The following DSCAML1 variants were observed in gnomAD, a reference collection of about 807,000 sequenced individuals.
The protein encoded by DSCAML1 is DS cell adhesion molecule like 1.
DSCAML1 carries 38 observed loss-of-function variants against 200.5 expected under a neutral mutation model. That is an observed-to-expected ratio of 0.19 (90% CI 0.15 to 0.25). The LOEUF (loss-of-function observed/expected upper bound fraction) is 0.25, where lower values mean the gene tolerates loss of function less well. Ranked by LOEUF, DSCAML1 falls within the 10% of genes least tolerant of loss-of-function variation. DSCAML1 has a pLI of 1.00. For synonymous variants in DSCAML1, 1,215 were observed against 1,165.0 expected, an observed-to-expected ratio of 1.04 and a Z score of -0.87; for missense variants, 2,223 against 2,858.8, an observed-to-expected ratio of 0.78 and a Z score of 5.07.
intron 1 of DSCAML1, among the ~76,000 whole-genome samples, chr11:117,808,940 T>C (rs1464904460): frequency 6.6e-6 from 1 of 152,100 alleles, no homozygotes; most frequent in Non-Finnish European, 1.5e-5. Flanking sequence ...ATGAGAAAAC[T>C]GAGGCTCCGA....
chr11:117,541,896 G>T (rs1242327091), intron 3 of DSCAML1, among the ~76,000 whole-genome samples: 2 of 150,712 alleles, frequency 1.3e-5, no homozygotes, highest in Non-Finnish European at 3.0e-5. Flanking sequence ...TAGGTGATTA[G>T]ATTGGAAATG....
intron 11 of DSCAML1, among the ~76,000 whole-genome samples, chr11:117,492,905 G>A (rs780235459): frequency 7.9e-5 from 12 of 152,196 alleles, no homozygotes; most frequent in Non-Finnish European, 1.5e-4. Flanking sequence ...TCGGCTTCTT[G>A]TCTCTCCTGA....
rs1285084863 is a variant in DSCAML1 at position 117,504,876 on chromosome 11, T to TCCCCGTC, written c.2182+41_2182+47dup. The TCCCCGTC allele has an allele frequency of 3.2e-6, 5 of 1,567,022 alleles. No individual in the cohort carries two copies. The African/African-American group carries it at 6.8e-5, about 21-fold the overall frequency. ...TCAAATCCCACAGAGCATCCTCCGT[T>TCCCCGTC]CCCCGTCCCTGCCCTTCTTGGAGAT... On this transcript the variant is annotated intron_variant, in intron 10 of 32. Coordinates refer to ENST00000651296, the MANE Select transcript of DSCAML1 (RefSeq NM_020693.4). The surrounding 1 kb of genome is among the most constrained non-coding windows in gnomAD (Gnocchi z 5.0).
chr11:117,553,829 G>C (rs2050511328), intron 3 of DSCAML1, among the ~76,000 whole-genome samples: 4 of 152,364 alleles, frequency 2.6e-5, no homozygotes, highest in Middle Eastern at 6.8e-3. Context: ...CTGAAGCCGG[G>C]ACTGGAAGAG....
intron 3 of DSCAML1, among the ~76,000 whole-genome samples, chr11:117,623,331 C>T (rs2051978122): frequency 6.7e-6 from 1 of 148,784 alleles, no homozygotes; most frequent in Non-Finnish European, 1.5e-5. Context: ...ATTCTCCTGT[C>T]TCAGCCTCCT....
chr11:117,739,321 T>A (rs1347753260), intron 3 of DSCAML1, among the ~76,000 whole-genome samples: 1 of 152,156 alleles, frequency 6.6e-6, no homozygotes. Flanking sequence ...CTGTTAGAAA[T>A]GCAAATTCTT....
intron 19 of DSCAML1, among the ~76,000 whole-genome samples, chr11:117,452,169 C>G (rs189522353): frequency 6.6e-6 from 1 of 152,204 alleles, no homozygotes; most frequent in Non-Finnish European, 1.5e-5. Context: ...AAATCTCTAT[C>G]CTTGCATACT....
intron 1 of DSCAML1, among the ~76,000 whole-genome samples, chr11:117,783,121 G>GAC (rs1286914154): frequency 1.3e-5 from 2 of 151,498 alleles, no homozygotes; most frequent in Non-Finnish European, 2.9e-5. Flanking sequence ...GCACATACAC[G>GAC]ACACACACAC....
chr11:117,714,400 G>A (rs1447891546), intron 3 of DSCAML1, among the ~76,000 whole-genome samples: 1 of 152,168 alleles, frequency 6.6e-6, no homozygotes, highest in African/African-American at 2.4e-5. Context: ...TCTGCAGGTG[G>A]TGCCTGCTCA....
At chr11:117,520,325 A>G (rs1441523242) in intron 6 of DSCAML1, among the ~76,000 whole-genome samples, 2 of 152,186 alleles carry the variant, frequency 1.3e-5, no homozygotes, top group Non-Finnish European at 2.9e-5. Context: ...GCTTTAAAGG[A>G]GGAGATAGAG....
intron 3 of DSCAML1, among the ~76,000 whole-genome samples, chr11:117,658,396 T>C (rs759157603): frequency 8.5e-5 from 13 of 152,186 alleles, no homozygotes; most frequent in Non-Finnish European, 1.3e-4. Context: ...GTTCAACTCC[T>C]TCATAATTTA....
intron 3 of DSCAML1, chr11:117,668,967 T>A (rs558565820): frequency 1.3e-5 from 2 of 152,070 alleles, no homozygotes; most frequent in East Asian, 3.9e-4. Context: ...GGGAAACAGG[T>A]CTTCTGCGCA....
intron 3 of DSCAML1, among the ~76,000 whole-genome samples, chr11:117,714,003 A>G (rs2053900660): frequency 6.6e-6 from 1 of 152,222 alleles, no homozygotes; most frequent in Non-Finnish European, 1.5e-5. Context: ...TACCTGGTCC[A>G]AATACTGGCT....
chr11:117,615,649 G>C (rs2137539574), intron 3 of DSCAML1, among the ~76,000 whole-genome samples: 1 of 152,266 alleles, frequency 6.6e-6, no homozygotes, highest in Non-Finnish European at 1.5e-5. Flanking sequence ...GGTTGTACCA[G>C]ATTGTAGAAG....
chr11:117,649,644 C>T (rs1447982329), intron 3 of DSCAML1, among the ~76,000 whole-genome samples: 2 of 152,206 alleles, frequency 1.3e-5, no homozygotes, highest in East Asian at 1.9e-4. Flanking sequence ...CTACCAAACC[C>T]CTGTGAACTA....
At chr11:117,761,914 C>T (rs2054811007) in intron 3 of DSCAML1, among the ~76,000 whole-genome samples, 1 of 152,104 alleles carries the variant, frequency 6.6e-6, no homozygotes, top group Admixed American at 6.5e-5. Context: ...ACAGTTCCAC[C>T]CACCTTATAA....
chr11:117,457,822 ACT>A (rs1212409128), intron 19 of DSCAML1, among the ~76,000 whole-genome samples: 2 of 152,016 alleles, frequency 1.3e-5, no homozygotes, highest in African/African-American at 2.4e-5. Flanking sequence ...TAGGATCTAG[ACT>A]CTGGGTCTCC....
At chr11:117,712,845 T>TC (rs1412026436) in intron 3 of DSCAML1, among the ~76,000 whole-genome samples, 2 of 150,790 alleles carry the variant, frequency 1.3e-5, no homozygotes, top group Non-Finnish European at 3.0e-5. Flanking sequence ...CCTTATGTCT[T>TC]CCCCCCGCCT....
intron 19 of DSCAML1, among the ~76,000 whole-genome samples, chr11:117,457,949 G>A (rs1042691807): frequency 2.0e-5 from 3 of 152,210 alleles, no homozygotes; most frequent in African/African-American, 7.2e-5. Context: ...TAGTAACGGG[G>A]CACCCGGCCC....
Sources: gnomAD v4.1 joint callset for allele counts (sites outside exome capture counted in the v4.1 genomes callset) on GRCh38, gnomAD v4.1.1 for gene constraint, Gnocchi (gnomAD v3.1) non-coding constraint, MANE v1.5 for transcripts, NCBI Gene and HGNC (gene_info 2026-07-23, HGNC 2026-07-21) for gene names.